The following WWC1 variants were observed in gnomAD, a reference collection of about 807,000 sequenced individuals.
WWC1 encodes protein KIBRA.
A neutral mutation model predicts 138.4 loss-of-function variants in WWC1; 55 were observed. That is an observed-to-expected ratio of 0.40 (90% CI 0.32 to 0.50). The LOEUF is 0.50. Ranked by LOEUF, WWC1 falls within the 20% of genes least tolerant of loss-of-function variation. The pLI is 0.72. For synonymous variants in WWC1, 524 were observed against 564.9 expected, an observed-to-expected ratio of 0.93 and a Z score of 1.03; for missense variants, 1,226 against 1,420.4, an observed-to-expected ratio of 0.86 and a Z score of 2.20.
chr5:168,321,024 A>C (rs1179011521), intron 1 of WWC1, among the ~76,000 whole-genome samples: 1 of 152,134 alleles, frequency 6.6e-6, no homozygotes, highest in Non-Finnish European at 1.5e-5. Flanking sequence ...GCAGTTAGCT[A>C]AGGGTTTCTG....
chr5:168,466,908 T>G (rs888775), intron 21 of WWC1, among the ~76,000 whole-genome samples: 1 of 151,346 alleles, frequency 6.6e-6, no homozygotes, highest in African/African-American at 2.4e-5. Flanking sequence ...AACTTGACCT[T>G]TCAAATAGTA....
At chr5:168,417,956 T>C (rs192539470) in intron 9 of WWC1, among the ~76,000 whole-genome samples, 3 of 152,320 alleles carry the variant, frequency 2.0e-5, no homozygotes, top group Admixed American at 2.0e-4. Flanking sequence ...TCCATGTCAG[T>C]CTGTCTGTGT....
chr5:168,343,373 T>C (rs376015068), intron 1 of WWC1, among the ~76,000 whole-genome samples: 17 of 152,092 alleles, frequency 1.1e-4, no homozygotes, highest in East Asian at 5.8e-4. Flanking sequence ...TGACCCCATT[T>C]AATAGATGAA....
intron 8 of WWC1, among the ~76,000 whole-genome samples, chr5:168,412,823 T>C (rs1780332302): frequency 6.6e-6 from 1 of 152,176 alleles, no homozygotes; most frequent in Admixed American, 6.5e-5. Flanking sequence ...CTAGAGATGA[T>C]TTAAAGTATA....
At chr5:168,300,733 C>G (rs1445574355) in intron 1 of WWC1, among the ~76,000 whole-genome samples, 1 of 152,146 alleles carries the variant, frequency 6.6e-6, no homozygotes, top group Non-Finnish European at 1.5e-5. Flanking sequence ...TGCTGTTGCC[C>G]AGGCCTGTTT....
intron 9 of WWC1, 144 bp downstream of exon 9, chr5:168,414,734 G>T: frequency 8.2e-7 from 1 of 1,218,766 alleles, no homozygotes; most frequent in East Asian, 2.6e-5. Context: ...TCAGGTTGCC[G>T]ACATAGGAAA....
At chr5:168,324,496 A>G (rs945657191) in intron 1 of WWC1, among the ~76,000 whole-genome samples, 4 of 152,226 alleles carry the variant, frequency 2.6e-5, no homozygotes, top group African/African-American at 7.2e-5. Flanking sequence ...ACTTAGATCT[A>G]CGTGAGAAAT....
chr5:168,372,768 G>C (rs531236360), intron 2 of WWC1, among the ~76,000 whole-genome samples: 3 of 152,216 alleles, frequency 2.0e-5, no homozygotes, highest in Non-Finnish European at 4.4e-5. Context: ...GGCCACACCT[G>C]TCTTGTGCCC....
intron 1 of WWC1, among the ~76,000 whole-genome samples, chr5:168,325,086 G>T (rs907945357): frequency 6.6e-6 from 1 of 152,234 alleles, no homozygotes; most frequent in African/African-American, 2.4e-5. Flanking sequence ...TTGACTCGCT[G>T]GCAAGGGCAG....
At chr5:168,397,976 C>T (rs1358009536) in intron 4 of WWC1, among the ~76,000 whole-genome samples, 176 bp downstream of exon 4, 1 of 152,148 alleles carries the variant, frequency 6.6e-6, no homozygotes, top group East Asian at 1.9e-4. Context: ...ATGGTTGTAG[C>T]AGCTACCATT....
intron 1 of WWC1, among the ~76,000 whole-genome samples, chr5:168,368,379 TA>T (rs1477896292): frequency 6.6e-6 from 1 of 152,234 alleles, no homozygotes; most frequent in Non-Finnish European, 1.5e-5. Flanking sequence ...CACCACTGAT[TA>T]AAATCACTTA....
chr5:168,410,147 C>G lies in WWC1; in HGVS notation c.941+152C>G. 3.8e-6 allele frequency: 3 copies of G among 789,122 alleles called. No homozygotes were observed. In the South Asian group the frequency reaches 5.4e-5, roughly 14 times the overall value. The allele number at this position is 789,122 out of a possible 1,614,324, so 48.9% of individuals were successfully genotyped here. A position where few individuals can be genotyped will look rare whatever the true frequency, so the allele number is the denominator to read the frequency against. The stretch of plus-strand genomic sequence containing the variant: ...GTTATTATACTTTTTATATTTTCAT[C>G]CTCTCTGAAATTCAGAGAGGAAATG... On this transcript the variant is annotated intron_variant, in intron 8 of 22. Coordinates refer to ENST00000265293, the MANE Select transcript of WWC1 (RefSeq NM_015238.3).
At chr5:168,316,312 TC>T (rs2152753630) in intron 1 of WWC1, among the ~76,000 whole-genome samples, 1 of 152,310 alleles carries the variant, frequency 6.6e-6, no homozygotes, top group East Asian at 1.9e-4. Flanking sequence ...AAGGACATTG[TC>T]CATCACCTGG....
chr5:168,441,643 C>T (rs771437037), intron 15 of WWC1, 39 bp from the exon 16 acceptor site: 2 of 1,599,450 alleles, frequency 1.3e-6, no homozygotes, highest in South Asian at 1.1e-5. Context: ...GTGTCCCCCC[C>T]ACCGCCACTT....
chr5:168,390,415 C>T (rs1778389863), intron 3 of WWC1, among the ~76,000 whole-genome samples: 1 of 152,140 alleles, frequency 6.6e-6, no homozygotes, highest in African/African-American at 2.4e-5. Flanking sequence ...TCCAGACACT[C>T]CCAAGAGCTC....
chr5:168,449,897 G>C (rs964502377), intron 17 of WWC1, among the ~76,000 whole-genome samples: 1 of 152,158 alleles, frequency 6.6e-6, no homozygotes, highest in African/African-American at 2.4e-5. Flanking sequence ...TTTGTAGATA[G>C]AGAGGCTGCT....
At chr5:168,370,341 G>A (rs1178139910) in intron 1 of WWC1, among the ~76,000 whole-genome samples, 3 of 152,212 alleles carry the variant, frequency 2.0e-5, no homozygotes, top group Non-Finnish European at 2.9e-5. Flanking sequence ...CAGGGGAGCT[G>A]TTGGGAGGGG....
chr5:168,304,516 C>T (rs1770378860), intron 1 of WWC1, among the ~76,000 whole-genome samples: 1 of 152,188 alleles, frequency 6.6e-6, no homozygotes, highest in Non-Finnish European at 1.5e-5. Context: ...TGCCCTCGTA[C>T]AATGGTTCTT....
chr5:168,373,842 C>T (rs1269376249), intron 2 of WWC1, among the ~76,000 whole-genome samples: 1 of 149,602 alleles, frequency 6.7e-6, no homozygotes, highest in Non-Finnish European at 1.5e-5. Flanking sequence ...GTCAGGAGGT[C>T]GAGACCATTC....
Sources: gnomAD v4.1 joint callset for allele counts (sites outside exome capture counted in the v4.1 genomes callset) on GRCh38, gnomAD v4.1.1 for gene constraint, MANE v1.5 for transcripts, NCBI Gene and HGNC (gene_info 2026-07-23, HGNC 2026-07-21) for gene names.